Variants in SPOCK1 observed in about 807,000 individuals in gnomAD.
The protein encoded by SPOCK1 is testican-1.
A neutral mutation model predicts 55.3 loss-of-function variants in SPOCK1; 23 were observed. The ratio of observed to expected loss-of-function variants is 0.42; its 90% CI spans 0.30 to 0.59. The LOEUF (loss-of-function observed/expected upper bound fraction) is 0.59, where lower values mean the gene tolerates loss of function less well. Among genes scored for constraint, SPOCK1 ranks in the 20% least tolerant of loss-of-function variants. The probability of loss-of-function intolerance (pLI) is 0.22; values close to 1 mark genes in which losing one functional copy is unlikely to be tolerated. For synonymous variants in SPOCK1, 226 were observed against 221.0 expected (o/e 1.02, Z -0.20); for missense variants, 499 against 552.5 (o/e 0.90, Z 0.97).
intron 3 of SPOCK1, among the ~76,000 whole-genome samples, chr5:137,195,980 A>C (rs1755291180): frequency 6.6e-6 from 1 of 152,226 alleles, no homozygotes; most frequent in East Asian, 1.9e-4. Flanking sequence ...GGAAGACTGA[A>C]AGAGAAGAGA....
chr5:137,114,911 C>A (rs1753547733), intron 4 of SPOCK1, among the ~76,000 whole-genome samples: 1 of 152,144 alleles, frequency 6.6e-6, no homozygotes, highest in Admixed American at 6.5e-5. Context: ...GCAGACATAA[C>A]CATGTAAAAT....
chr5:137,419,702 C>T (rs1580916079), intron 2 of SPOCK1, among the ~76,000 whole-genome samples: 1 of 152,272 alleles, frequency 6.6e-6, no homozygotes, highest in Non-Finnish European at 1.5e-5. Context: ...AGATTTTGGG[C>T]TGAGACGATG....
At chr5:137,414,901 C>T (rs576331742) in intron 2 of SPOCK1, among the ~76,000 whole-genome samples, 1 of 134,758 alleles carries the variant, frequency 7.4e-6, no homozygotes, top group South Asian at 2.6e-4. Flanking sequence ...GATATTACAT[C>T]TTGTCCCTTA....
chr5:137,169,878 T>A (rs1201211445), intron 3 of SPOCK1, among the ~76,000 whole-genome samples: 1 of 152,180 alleles, frequency 6.6e-6, no homozygotes, highest in African/African-American at 2.4e-5. Flanking sequence ...CTCTTGTCTT[T>A]CTCCTTTCAC....
Position 137,100,081 on chromosome 5 carries a change from A to G in SPOCK1, c.474+12354T>C, listed in dbSNP as rs189430974. On this transcript the variant is annotated intron_variant, in intron 5 of 10. Transcript: ENST00000394945. ...TAGTCTATCATACGGCTGGATTTCC[A>G]CGTGTACAACAACATTTCCAATGTG... Among the ~76,000 whole-genome samples the G allele has an allele frequency of 2.0e-3, 304 of 152,262 alleles. 2 individuals are homozygous for G. Among genetic ancestry groups the G allele is most frequent in the Non-Finnish European group, 3.5e-3 (241 of 68,022 alleles).
chr5:137,198,400 C>G (rs950008037), intron 3 of SPOCK1, among the ~76,000 whole-genome samples: 1 of 152,238 alleles, frequency 6.6e-6, no homozygotes, highest in African/African-American at 2.4e-5. Flanking sequence ...ATTTATACCT[C>G]CATGCTTTCT....
intron 3 of SPOCK1, among the ~76,000 whole-genome samples, chr5:137,208,113 G>A (rs1047261919): frequency 6.6e-6 from 1 of 151,852 alleles, no homozygotes; most frequent in Non-Finnish European, 1.5e-5. Flanking sequence ...TTTTCTCTTT[G>A]CCCCCAATTA....
At chr5:137,223,673 G>A (rs1755898139) in intron 3 of SPOCK1, among the ~76,000 whole-genome samples, 1 of 152,092 alleles carries the variant, frequency 6.6e-6, no homozygotes. Flanking sequence ...AAAATAATGA[G>A]CAAAAACATG....
intron 3 of SPOCK1, among the ~76,000 whole-genome samples, chr5:137,258,642 G>A (rs1394162590): frequency 6.6e-6 from 1 of 152,180 alleles, no homozygotes; most frequent in Non-Finnish European, 1.5e-5. Flanking sequence ...TTCAGGGACT[G>A]TTGTTCTAGC....
chr5:137,192,369 T>A (rs1755199575), intron 3 of SPOCK1, among the ~76,000 whole-genome samples: 1 of 150,062 alleles, frequency 6.7e-6, no homozygotes, highest in Admixed American at 6.7e-5. Context: ...GCCTGGCAAA[T>A]ACCCAGCTCC....
At chr5:137,272,851 A>C (rs2127120404) in intron 2 of SPOCK1, among the ~76,000 whole-genome samples, 1 of 151,390 alleles carries the variant, frequency 6.6e-6, no homozygotes, top group East Asian at 2.0e-4. Context: ...TCCTTGCTAA[A>C]TCACATCAAA....
rs553394149 is a variant in SPOCK1, at chr5:137,345,250, A to T, written c.187-78195T>A. 3.9e-5 allele frequency among the ~76,000 whole-genome samples: 6 copies of T among 152,344 alleles called. No homozygotes were observed. In the East Asian group the frequency reaches 1.2e-3, roughly 29 times the overall value. ...TAGCCTCATTTTAGCAAAGAATATG[A>T]CTGCCTTTAAACGACCAGTTTCTAG... is the stretch of plus-strand genomic sequence containing the variant. On this transcript the variant is annotated intron_variant, in intron 2 of 10. Transcript: ENST00000394945.
At chr5:137,399,622 T>C (rs1751932589) in intron 2 of SPOCK1, among the ~76,000 whole-genome samples, 1 of 151,764 alleles carries the variant, frequency 6.6e-6, no homozygotes, top group Admixed American at 6.6e-5. Context: ...GAGATATGGG[T>C]GAACCCCAAA....
intron 3 of SPOCK1, among the ~76,000 whole-genome samples, chr5:137,211,447 T>C (rs569919617): frequency 6.6e-6 from 1 of 152,344 alleles, no homozygotes; most frequent in East Asian, 1.9e-4. Context: ...CTCCTAAAAC[T>C]CTTATGGATA....
In SPOCK1 at chr5:137,167,704, G is replaced by A. The variant is rs192868650; in HGVS notation, c.233-27010C>T. Among the ~76,000 whole-genome samples, 330 of 152,026 alleles carry A rather than the reference G, an allele frequency of 2.2e-3. 2 individuals carry two copies. Among genetic ancestry groups the A allele is most frequent in the African/African-American group, 7.6e-3 (314 of 41,510 alleles). ...CAAACACATGGAAATTAAACAATAC[G>A]CTCCTGAATGACCAGTGGATCAGTG... is the stretch of plus-strand genomic sequence containing the variant. On this transcript the variant is annotated intron_variant, in intron 3 of 10. Coordinates refer to ENST00000394945, the MANE Select transcript of SPOCK1 (RefSeq NM_004598.4).
rs192325706 is a variant in SPOCK1 at position 137,012,810 on chromosome 5, A to C, written c.590-20210T>G. Among the ~76,000 whole-genome samples the C allele has an allele frequency of 4.6e-5, 7 of 152,364 alleles. No individual in the cohort carries two copies. The East Asian group carries it at 1.3e-3, about 29-fold the overall frequency. ...GCAAAGATGATGTTGTACTCTTACA[A>C]CTATAAGGCTTATCATAGAAAAAAT... On this transcript the variant is annotated intron_variant, in intron 6 of 10. Transcript: ENST00000394945.
intron 3 of SPOCK1, among the ~76,000 whole-genome samples, chr5:137,209,562 G>A (rs1035029997): frequency 2.0e-5 from 3 of 152,164 alleles, no homozygotes; most frequent in Non-Finnish European, 4.4e-5. Context: ...TGGCTTCTGT[G>A]ACAGATGAGA....
chr5:137,262,591 TGCATTTAAACATCAG>T (rs1395582193), intron 3 of SPOCK1, among the ~76,000 whole-genome samples: 6 of 152,180 alleles, frequency 3.9e-5, no homozygotes, highest in African/African-American at 1.2e-4. Context: ...TCCAGTTCAG[TGCATTTAAACATCAG>T]GCATTTGGTA....
At chr5:137,234,333 G>C (rs575967308) in intron 3 of SPOCK1, among the ~76,000 whole-genome samples, 1 of 152,202 alleles carries the variant, frequency 6.6e-6, no homozygotes, top group East Asian at 1.9e-4. Flanking sequence ...CTGGGTGGTG[G>C]GTCAGGAAAC....
Sources: allele counts gnomAD v4.1 joint callset (sites outside exome capture counted in the v4.1 genomes callset), GRCh38; gene constraint gnomAD v4.1.1; transcripts MANE v1.5; gene names NCBI Gene and HGNC (gene_info 2026-07-23, HGNC 2026-07-21).